BRINP3: variants seen among roughly 807,000 people sequenced by gnomAD.
The protein encoded by BRINP3 is BMP/retinoic acid-inducible neural-specific protein 3.
BRINP3 carries 19 observed loss-of-function variants against 71.0 expected under a neutral mutation model. The observed-to-expected ratio is 0.27, with a 90% confidence interval of 0.19 to 0.39. BRINP3 has a LOEUF of 0.39. BRINP3 is among the 10% of genes least tolerant of loss of function. BRINP3 has a pLI of 1.00. For synonymous variants in BRINP3, 380 were observed against 337.7 expected (o/e 1.13, Z -1.37); for missense variants, 959 against 940.8 (o/e 1.02, Z -0.25).
chr1:190,216,644 G>C (rs960449077), intron 6 of BRINP3, among the ~76,000 whole-genome samples: 1 of 151,796 alleles, frequency 6.6e-6, no homozygotes, highest in African/African-American at 2.4e-5. Context: ...ATATAAAATG[G>C]CTTAGCATTC....
At chr1:190,436,537 C>G (rs1254383276) in intron 2 of BRINP3, among the ~76,000 whole-genome samples, 1 of 151,744 alleles carries the variant, frequency 6.6e-6, no homozygotes, top group Non-Finnish European at 1.5e-5. Flanking sequence ...ATTTGCATCT[C>G]TTATAATTTT....
At chr1:190,199,497 G>A (rs879569053) in intron 6 of BRINP3, among the ~76,000 whole-genome samples, 2 of 152,114 alleles carry the variant, frequency 1.3e-5, no homozygotes, top group South Asian at 4.1e-4. Context: ...GGCTCTAATG[G>A]TTAGTTTAGT....
chr1:190,363,037 A>G (rs1406956453), intron 2 of BRINP3, among the ~76,000 whole-genome samples: 2 of 152,118 alleles, frequency 1.3e-5, no homozygotes, highest in African/African-American at 4.8e-5. Flanking sequence ...AAATATAATG[A>G]TAATATCTGA....
intron 5 of BRINP3, among the ~76,000 whole-genome samples, chr1:190,226,541 T>A (rs1248215465): frequency 6.6e-6 from 1 of 152,034 alleles, no homozygotes; most frequent in Non-Finnish European, 1.5e-5. Flanking sequence ...GAAATAGAGA[T>A]GATTAATCAT....
chr1:190,336,681 C>A (rs1453910749), intron 2 of BRINP3, among the ~76,000 whole-genome samples: 4 of 151,970 alleles, frequency 2.6e-5, no homozygotes, highest in Non-Finnish European at 5.9e-5. Context: ...TCCAGCACTG[C>A]AAAACGTGCT....
chr1:190,390,580 A>G (rs1038267391), intron 2 of BRINP3, among the ~76,000 whole-genome samples: 5 of 151,810 alleles, frequency 3.3e-5, no homozygotes, highest in African/African-American at 7.2e-5. Context: ...GATGCATGGT[A>G]GAGGGTGTGA....
At chr1:190,433,297 C>T (rs1198877056) in intron 2 of BRINP3, among the ~76,000 whole-genome samples, 2 of 152,198 alleles carry the variant, frequency 1.3e-5, no homozygotes, top group Non-Finnish European at 2.9e-5. Context: ...TGATTATAAA[C>T]TTTCAATGAT....
chr1:190,411,751 T>A (rs1283210574), intron 2 of BRINP3, among the ~76,000 whole-genome samples: 1 of 151,842 alleles, frequency 6.6e-6, no homozygotes, highest in Non-Finnish European at 1.5e-5. Flanking sequence ...AAAGGTAGAG[T>A]GAAATAACAG....
chr1:190,337,095 T>C lies in BRINP3; in HGVS notation c.237-55345A>G, dbSNP rs144402118. Among the ~76,000 whole-genome samples, 6 of 151,970 alleles carry C rather than the reference T, an allele frequency of 3.9e-5. No homozygotes were observed. The East Asian group carries it at 1.2e-3, about 30-fold the overall frequency. ...GTGAGAAATCAGTCAACATGAACCA[T>C]ATGTTTGATGTTGAAGTTATGTTTA... On this transcript the variant is annotated intron_variant, in intron 2 of 7. Coordinates refer to ENST00000367462, the MANE Select transcript of BRINP3 (RefSeq NM_199051.3).
intron 7 of BRINP3, among the ~76,000 whole-genome samples, chr1:190,159,309 G>T (rs1191307561): frequency 6.6e-6 from 1 of 152,024 alleles, no homozygotes; most frequent in African/African-American, 2.4e-5. Flanking sequence ...AAACAGTTTG[G>T]TAGCTTCTCA....
intron 7 of BRINP3, among the ~76,000 whole-genome samples, chr1:190,148,648 TA>T (rs1338156943): frequency 8.1e-5 from 12 of 147,736 alleles, no homozygotes; most frequent in East Asian, 3.9e-4. Context: ...AATAAATAAA[TA>T]AATTCTATCT....
At chr1:190,260,070 C>CA (rs35994123) in intron 4 of BRINP3, among the ~76,000 whole-genome samples, 52,811 of 131,988 alleles carry the variant, frequency 0.4, 10,929 homozygotes, top group Non-Finnish European at 0.49. Context: ...TTAAGAACCA[C>CA]AAAAAAAAAA....
chr1:190,420,499 T>C lies in BRINP3; in HGVS notation c.236+34156A>G, dbSNP rs1673305512. On this transcript the variant is annotated intron_variant, in intron 2 of 7. Coordinates refer to ENST00000367462, the MANE Select transcript of BRINP3 (RefSeq NM_199051.3). ...CCCTAAGTTAACCAAAGTGATCCATTCATTACCCTCTAAAAGAAGATTTCA... is the reference window on the plus strand; with the variant it reads ...CCCTAAGTTAACCAAAGTGATCCATCCATTACCCTCTAAAAGAAGATTTCA... Among the ~76,000 whole-genome samples, 5 of 151,878 alleles carry C rather than the reference T, an allele frequency of 3.3e-5. No individual in the cohort carries two copies. The South Asian group carries it at 6.2e-4, about 19-fold the overall frequency.
intron 3 of BRINP3, among the ~76,000 whole-genome samples, chr1:190,269,851 T>C (rs1661957703): frequency 6.6e-6 from 1 of 152,014 alleles, no homozygotes; most frequent in South Asian, 2.1e-4. Flanking sequence ...ATTGGCAATA[T>C]ATATCAATAA....
chr1:190,435,493 G>A (rs1457380818), intron 2 of BRINP3, among the ~76,000 whole-genome samples: 1 of 151,772 alleles, frequency 6.6e-6, no homozygotes, highest in African/African-American at 2.4e-5. Context: ...AGGAATAAGT[G>A]AACAAATTAG....
rs1329527575 is a variant in BRINP3, at chr1:190,249,490, T to G, written c.619-15013A>C. Among the ~76,000 whole-genome samples the G allele has an allele frequency of 2.0e-5, 3 of 151,996 alleles. No homozygotes were observed. The South Asian group carries it at 6.2e-4, about 31-fold the overall frequency. The stretch of plus-strand genomic sequence containing the variant: ...TTATTAAAACAAAAAAATTAATAGA[T>G]TTTTCAAATGTAAAAAATAGCAACT... On this transcript the variant is annotated intron_variant, in intron 4 of 7. Transcript: ENST00000367462.
At position 190,422,250 on chromosome 1, in the gene BRINP3, T is replaced by C. The variant is rs559029900; in HGVS notation, c.236+32405A>G. On this transcript the variant is annotated intron_variant, in intron 2 of 7. Transcript: ENST00000367462. The stretch of plus-strand genomic sequence containing the variant: ...GCCTGCGTCCATTAAATGTGACCAA[T>C]GATATTAATGAATACATACTCTTGC... 3.3e-5 allele frequency among the ~76,000 whole-genome samples: 5 copies of C among 151,956 alleles called. No individual in the cohort carries two copies. In the East Asian group the frequency reaches 9.7e-4, roughly 29 times the overall value.
rs142744205 is a variant in BRINP3 at position 190,099,012 on chromosome 1, G to A, written c.1307C>T (p.Thr436Ile). 108 of 1,614,048 alleles carry A rather than the reference G, an allele frequency of 6.7e-5. No individual in the cohort carries two copies. The highest frequency in any genetic ancestry group is 8.4e-5 in the Non-Finnish European group (99 of 1,180,034). Residue 436 changes from threonine (T) to isoleucine (I), a missense_variant, in exon 8 of 8, where the codon ACC becomes ATC. Physicochemically the swap from Thr to Ile is moderately conservative, Grantham distance 89 (BLOSUM62 -1). Transcript: ENST00000367462. Reference sequence around the variant, plus strand: ...TCCCACTGTGCAGGGCAGGAACGCGGTGCAGACCACCTGGTCATTCGGACA... The same window carrying A: ...TCCCACTGTGCAGGGCAGGAACGCGATGCAGACCACCTGGTCATTCGGACA... ...CTCPNDQVVC[T>I]AFLPCTVGDA...
At chr1:190,192,955 GAGTGATAT>G (rs1475252281) in intron 6 of BRINP3, among the ~76,000 whole-genome samples, 1 of 152,028 alleles carries the variant, frequency 6.6e-6, no homozygotes, top group African/African-American at 2.4e-5. Flanking sequence ...TTCATTTGGT[GAGTGATAT>G]AGTAAACTTT....
Sources: allele counts gnomAD v4.1 joint callset (sites outside exome capture counted in the v4.1 genomes callset), GRCh38; gene constraint gnomAD v4.1.1; transcripts MANE v1.5; gene names NCBI Gene and HGNC (gene_info 2026-07-23, HGNC 2026-07-21).